BBS9: variants seen among roughly 807,000 people sequenced by gnomAD.
BBS9 encodes the protein protein PTHB1.
In BBS9, 89 loss-of-function variants were observed where a neutral mutation model predicts 117.7. The ratio of observed to expected loss-of-function variants is 0.76; its 90% CI spans 0.64 to 0.90. BBS9 has a LOEUF of 0.90. BBS9 is among the 40% of genes least tolerant of loss of function. The pLI, the probability that BBS9 is intolerant of heterozygous loss-of-function variation, is 0.00. For missense variants in BBS9, 982 were observed against 1,042.2 expected (o/e 0.94, Z 0.80); for synonymous variants, 379 against 370.9 (o/e 1.02, Z -0.25).
intron 5 of BBS9, among the ~76,000 whole-genome samples, chr7:33,194,005 C>T (rs913536153): frequency 6.6e-6 from 1 of 152,140 alleles, no homozygotes; most frequent in South Asian, 2.1e-4. Flanking sequence ...GCCTGTCTTC[C>T]ACTTCTTCTA....
At chr7:33,421,080 G>C (rs1832789725) in intron 19 of BBS9, among the ~76,000 whole-genome samples, 1 of 152,212 alleles carries the variant, frequency 6.6e-6, no homozygotes, top group Admixed American at 6.5e-5. Context: ...GGCAGTAAAG[G>C]AGTAGAAATG....
intron 5 of BBS9, among the ~76,000 whole-genome samples, chr7:33,188,576 G>A (rs1163659894): frequency 1.3e-5 from 2 of 152,102 alleles, no homozygotes; most frequent in South Asian, 2.1e-4. Flanking sequence ...CAGAGATTAA[G>A]GAATATAAAT....
intron 19 of BBS9, among the ~76,000 whole-genome samples, chr7:33,474,936 C>T (rs1353135035): frequency 2.6e-5 from 4 of 152,212 alleles, no homozygotes; most frequent in East Asian, 1.9e-4. Context: ...AGTGAGACTC[C>T]GTCTCAAACA....
intron 19 of BBS9, among the ~76,000 whole-genome samples, chr7:33,485,279 A>C (rs1050868423): frequency 2.7e-5 from 4 of 150,236 alleles, no homozygotes; most frequent in Non-Finnish European, 4.4e-5. Flanking sequence ...TGCACATCCC[A>C]TGCATGTACC....
chr7:33,274,033 AC>A, intron 9 of BBS9, 77 bp downstream of exon 9: 2 of 1,499,744 alleles, frequency 1.3e-6, no homozygotes, highest in Non-Finnish European at 1.8e-6. Context: ...TGAAATAATG[AC>A]AAGTGATTTT....
At chr7:33,183,124 A>G (rs1394550074) in intron 5 of BBS9, among the ~76,000 whole-genome samples, 1 of 151,988 alleles carries the variant, frequency 6.6e-6, no homozygotes, top group Non-Finnish European at 1.5e-5. Flanking sequence ...AATTTCTAAT[A>G]CCCCCAAAAG....
chr7:33,386,463 TA>T (rs1826032030), intron 18 of BBS9, among the ~76,000 whole-genome samples: 2 of 117,078 alleles, frequency 1.7e-5, no homozygotes, highest in Non-Finnish European at 1.8e-5. Flanking sequence ...TTCATTTATT[TA>T]TTTATTTATT....
At chr7:33,137,419 G>C (rs948507014) in intron 1 of BBS9, among the ~76,000 whole-genome samples, 4 of 152,162 alleles carry the variant, frequency 2.6e-5, no homozygotes, top group African/African-American at 9.7e-5. Context: ...CTCCAACCTG[G>C]TAGGGGGCGG....
intron 20 of BBS9, among the ~76,000 whole-genome samples, chr7:33,516,486 C>CAAAAA (rs1563288091): frequency 1.8e-5 from 1 of 54,116 alleles, no homozygotes; most frequent in East Asian, 1.6e-3. Context: ...AATTTCATCT[C>CAAAAA]CAAAAAAAAA....
chr7:33,389,539 A>G (rs1826645779), intron 19 of BBS9, among the ~76,000 whole-genome samples: 1 of 151,906 alleles, frequency 6.6e-6, no homozygotes, highest in African/African-American at 2.4e-5. Context: ...AATTCAAACA[A>G]TTAGCCGGGC....
intron 4 of BBS9, among the ~76,000 whole-genome samples, chr7:33,163,439 G>A (rs988165165): frequency 2.6e-5 from 4 of 152,118 alleles, no homozygotes; most frequent in Non-Finnish European, 4.4e-5. Context: ...GGTAGAATTC[G>A]GCTGTGAGTC....
At chr7:33,607,057 T>A (rs182950059), downstream of BBS9, among the ~76,000 whole-genome samples, 177 of 152,270 alleles carry the variant, frequency 1.2e-3, 1 homozygote, top group African/African-American at 4.1e-3. Context: ...CCTCTCTACA[T>A]ACCTCTCTCT....
intron 21 of BBS9, among the ~76,000 whole-genome samples, chr7:33,621,842 C>T (rs1232952481): frequency 6.6e-6 from 1 of 152,092 alleles, no homozygotes; most frequent in Non-Finnish European, 1.5e-5. Context: ...AGAAGGAAAT[C>T]CTGTCATTTG....
At chr7:33,494,021 G>C (rs1844383755) in intron 19 of BBS9, among the ~76,000 whole-genome samples, 1 of 152,174 alleles carries the variant, frequency 6.6e-6, no homozygotes, top group South Asian at 2.1e-4. Flanking sequence ...GGAGATACTA[G>C]TAGCCTAAGT....
chr7:33,275,718 T>C (rs986158207), intron 9 of BBS9, among the ~76,000 whole-genome samples: 1 of 152,186 alleles, frequency 6.6e-6, no homozygotes, highest in Non-Finnish European at 1.5e-5. Context: ...AGTTGAAATA[T>C]ATATATTTTT....
intron 18 of BBS9, among the ~76,000 whole-genome samples, chr7:33,386,129 A>G (rs920540512): frequency 1.1e-4 from 16 of 152,110 alleles, no homozygotes; most frequent in Admixed American, 6.5e-4. Flanking sequence ...TTAAAGTATA[A>G]TAAAAAAATA....
At chr7:33,561,151 T>A (rs989920251) in intron 21 of BBS9, among the ~76,000 whole-genome samples, 1 of 152,178 alleles carries the variant, frequency 6.6e-6, no homozygotes, top group Admixed American at 6.5e-5. Flanking sequence ...ATCTGTGTGA[T>A]CTTAGTAAGC....
chr7:33,212,737 A>G (rs1788249729), intron 5 of BBS9, among the ~76,000 whole-genome samples: 1 of 152,204 alleles, frequency 6.6e-6, no homozygotes, highest in Non-Finnish European at 1.5e-5. Flanking sequence ...CAAGCACAAT[A>G]TCGCTGTGGT....
chr7:33,360,996 A>G (rs566242606), intron 16 of BBS9, among the ~76,000 whole-genome samples: 1 of 152,318 alleles, frequency 6.6e-6, no homozygotes, highest in South Asian at 2.1e-4. Context: ...AGCTTCAGGC[A>G]TCATATCTTA....
Sources: allele counts gnomAD v4.1 joint callset (sites outside exome capture counted in the v4.1 genomes callset), GRCh38; gene constraint gnomAD v4.1.1; transcripts MANE v1.5; gene names NCBI Gene and HGNC (gene_info 2026-07-23, HGNC 2026-07-21).